The following GRM8 variants were observed in gnomAD, a reference collection of about 807,000 sequenced individuals.
The protein encoded by GRM8 is glutamate metabotropic receptor 8.
A neutral mutation model predicts 87.2 loss-of-function variants in GRM8; 47 were observed. That is an observed-to-expected ratio of 0.54 (90% CI 0.43 to 0.69). The LOEUF (loss-of-function observed/expected upper bound fraction) is 0.69, where lower values mean the gene tolerates loss of function less well. Among genes scored for constraint, GRM8 ranks in the 30% least tolerant of loss-of-function variants. The pLI, the probability that GRM8 is intolerant of heterozygous loss-of-function variation, is 0.00. For synonymous variants in GRM8, 396 were observed against 404.5 expected, an observed-to-expected ratio of 0.98 and a Z score of 0.25; for missense variants, 1,019 against 1,139.2, an observed-to-expected ratio of 0.89 and a Z score of 1.52.
At chr7:126,621,720 C>A (rs1321604002) in intron 7 of GRM8, among the ~76,000 whole-genome samples, 1 of 142,890 alleles carries the variant, frequency 7.0e-6, no homozygotes, top group Non-Finnish European at 1.6e-5. Context: ...TGCCTGGCCC[C>A]AATCACCATT....
chr7:126,889,594 G>A (rs186292850), intron 6 of GRM8, among the ~76,000 whole-genome samples: 14 of 152,234 alleles, frequency 9.2e-5, no homozygotes, highest in African/African-American at 3.4e-4. Flanking sequence ...TCTCTAATAT[G>A]TGTGTTTTAT....
chr7:126,502,758 TG>T (rs1441736879), intron 9 of GRM8, among the ~76,000 whole-genome samples: 2 of 152,084 alleles, frequency 1.3e-5, no homozygotes, highest in Non-Finnish European at 2.9e-5. Context: ...AAAATGCTGC[TG>T]ACTGGATGTG....
chr7:126,824,591 A>G (rs1794594093), intron 6 of GRM8, among the ~76,000 whole-genome samples: 2 of 152,190 alleles, frequency 1.3e-5, no homozygotes, highest in Admixed American at 1.3e-4. Context: ...GGCTAAGCCC[A>G]TGGCAGGCTC....
intron 3 of GRM8, among the ~76,000 whole-genome samples, chr7:126,951,729 T>C (rs1808185450): frequency 6.6e-6 from 1 of 151,860 alleles, no homozygotes; most frequent in South Asian, 2.1e-4. Flanking sequence ...TCATGGAAAA[T>C]AAGCAGATTT....
chr7:126,590,908 A>G (rs988249555), intron 8 of GRM8, among the ~76,000 whole-genome samples: 1 of 152,182 alleles, frequency 6.6e-6, no homozygotes, highest in Non-Finnish European at 1.5e-5. Flanking sequence ...AAATTCATCA[A>G]AACAGAACAT....
intron 3 of GRM8, among the ~76,000 whole-genome samples, chr7:127,037,476 G>A (rs550224477): frequency 1.8e-4 from 27 of 152,266 alleles, no homozygotes; most frequent in African/African-American, 6.0e-4. Flanking sequence ...CAAAGACTGT[G>A]ACATGCTGGT....
intron 8 of GRM8, among the ~76,000 whole-genome samples, chr7:126,597,611 T>C (rs1797332392): frequency 6.6e-6 from 1 of 152,106 alleles, no homozygotes. Flanking sequence ...TAAAATATCA[T>C]TTATTTTCAT....
intron 1 of GRM8, among the ~76,000 whole-genome samples, chr7:127,248,962 G>T (rs1463394866): frequency 6.6e-6 from 1 of 152,172 alleles, no homozygotes; most frequent in Non-Finnish European, 1.5e-5. Flanking sequence ...CATCTAAATC[G>T]CTATTCTGAA....
chr7:126,636,647 C>G (rs940182667), intron 7 of GRM8, among the ~76,000 whole-genome samples: 1 of 151,932 alleles, frequency 6.6e-6, no homozygotes, highest in Non-Finnish European at 1.5e-5. Flanking sequence ...AAAACAAAAT[C>G]AGAGACCATA....
At chr7:126,869,043 G>A (rs1279554322) in intron 6 of GRM8, 2 of 152,196 alleles carry the variant, frequency 1.3e-5, no homozygotes, top group Non-Finnish European at 2.9e-5. Context: ...TATCAACTAA[G>A]TTTGTAGGAA....
At chr7:126,671,134 C>T (rs543629038) in intron 7 of GRM8, among the ~76,000 whole-genome samples, 1 of 152,070 alleles carries the variant, frequency 6.6e-6, no homozygotes, top group Non-Finnish European at 1.5e-5. Context: ...GGCCTCATAC[C>T]CTTGTCCATG....
chr7:126,849,990 C>T (rs562433213), intron 6 of GRM8, among the ~76,000 whole-genome samples: 1 of 152,266 alleles, frequency 6.6e-6, no homozygotes, highest in East Asian at 1.9e-4. Context: ...TCTTTTGATA[C>T]TACTTCACCC....
At chr7:126,731,744 T>C (rs897412457) in intron 7 of GRM8, among the ~76,000 whole-genome samples, 12 of 152,112 alleles carry the variant, frequency 7.9e-5, no homozygotes, top group African/African-American at 2.9e-4. Context: ...TGTATTCATA[T>C]AATTTCTATC....
chr7:126,576,976 C>T (rs190340372), intron 8 of GRM8, among the ~76,000 whole-genome samples: 1 of 152,310 alleles, frequency 6.6e-6, no homozygotes, highest in East Asian at 1.9e-4. Context: ...ATCCTAAAGC[C>T]AAACCATGTA....
chr7:126,631,308 A>G (rs1455045841), intron 7 of GRM8, among the ~76,000 whole-genome samples: 1 of 152,134 alleles, frequency 6.6e-6, no homozygotes, highest in East Asian at 1.9e-4. Flanking sequence ...TAAAACACCT[A>G]GGAATATAGC....
At chr7:126,609,819 T>C (rs2151101068) in intron 7 of GRM8, among the ~76,000 whole-genome samples, 1 of 152,334 alleles carries the variant, frequency 6.6e-6, no homozygotes, top group South Asian at 2.1e-4. Flanking sequence ...CATAGTATGA[T>C]AGTTAATAGA....
chr7:127,101,812 T>C (rs954779822), intron 3 of GRM8, among the ~76,000 whole-genome samples: 3 of 152,120 alleles, frequency 2.0e-5, no homozygotes, highest in Admixed American at 6.6e-5. Flanking sequence ...GGAAGTGACT[T>C]TGGAACTGGG....
chr7:126,902,622 A>G lies in GRM8; in HGVS notation c.1076T>C (p.Phe359Ser). ...AAAATTCTCCTCCCAGAATTCTGCA[A>G]ACCACACATTTCTTCGATTATTGGC... ...TLANNRRNVWFAEFWEENFGC... is the reference protein window; with the variant it reads ...TLANNRRNVWSAEFWEENFGC... The change falls in exon 6 of 11, where the codon TTT becomes TCT. Residue 359 changes from phenylalanine to serine, a missense_variant. By Grantham distance (155) the Phe-to-Ser change is radical (BLOSUM62 -2). Coordinates refer to ENST00000339582, the MANE Select transcript of GRM8 (RefSeq NM_000845.3). The G allele has an allele frequency of 6.2e-7, 1 of 1,610,888 alleles. No homozygotes were observed. The highest frequency in any genetic ancestry group is 8.5e-7 in the Non-Finnish European group (1 of 1,178,066).
intron 6 of GRM8, among the ~76,000 whole-genome samples, chr7:126,781,400 G>A (rs914181228): frequency 2.0e-5 from 3 of 152,154 alleles, no homozygotes; most frequent in Admixed American, 1.3e-4. Context: ...AACAGAGAAA[G>A]AGATGGCATC....
Sources: gnomAD v4.1 joint callset for allele counts (sites outside exome capture counted in the v4.1 genomes callset) on GRCh38, gnomAD v4.1.1 for gene constraint, MANE v1.5 for transcripts, NCBI Gene and HGNC (gene_info 2026-07-23, HGNC 2026-07-21) for gene names.